The following DPYD variants were observed in gnomAD, a reference collection of about 807,000 sequenced individuals.
DPYD encodes dihydropyrimidine dehydrogenase [NADP(+)].
DPYD carries 109 observed loss-of-function variants against 116.2 expected under a neutral mutation model. The observed-to-expected ratio is 0.94, with a 90% confidence interval of 0.80 to 1.10. The LOEUF is 1.10. Among genes scored for constraint, DPYD ranks in the 50% least tolerant of loss-of-function variants. The pLI, the probability that DPYD is intolerant of heterozygous loss-of-function variation, is 0.00. For synonymous variants in DPYD, 440 were observed against 432.0 expected (o/e 1.02, Z -0.23); for missense variants, 1,302 against 1,254.5 (o/e 1.04, Z -0.57).
intron 18 of DPYD, chr1:97,295,551 C>G (rs1209382532): frequency 6.5e-6 from 1 of 154,586 alleles, no homozygotes; most frequent in South Asian, 2.1e-4. Flanking sequence ...CCACCTCAGC[C>G]TCAGGAGTAG....
At chr1:97,322,228 G>C (rs1279041100) in intron 16 of DPYD, among the ~76,000 whole-genome samples, 1 of 146,914 alleles carries the variant, frequency 6.8e-6, no homozygotes, top group Non-Finnish European at 1.5e-5. Context: ...AAAACTTAAA[G>C]TATAATAAAA....
chr1:97,411,550 T>G (rs1243421756), intron 14 of DPYD, among the ~76,000 whole-genome samples: 1 of 152,138 alleles, frequency 6.6e-6, no homozygotes, highest in African/African-American at 2.4e-5. Context: ...ACCTCTAACA[T>G]GTCTCACTAC....
At chr1:97,661,174 T>A (rs763331538) in intron 8 of DPYD, among the ~76,000 whole-genome samples, 1 of 152,168 alleles carries the variant, frequency 6.6e-6, no homozygotes, top group Non-Finnish European at 1.5e-5. Context: ...CTCATTTGAT[T>A]TAACATATAG....
At chr1:97,825,719 T>C (rs1196466448) in intron 3 of DPYD, among the ~76,000 whole-genome samples, 1 of 151,636 alleles carries the variant, frequency 6.6e-6, no homozygotes, top group Non-Finnish European at 1.5e-5. Flanking sequence ...CATGTATACA[T>C]ATGTAACTAA....
chr1:97,352,809 A>G (rs775065694), intron 16 of DPYD, among the ~76,000 whole-genome samples: 1 of 152,214 alleles, frequency 6.6e-6, no homozygotes, highest in Non-Finnish European at 1.5e-5. Flanking sequence ...GTGAAGGGAA[A>G]ATGACAACTA....
At chr1:97,125,156 G>A (rs577835393) in intron 20 of DPYD, among the ~76,000 whole-genome samples, 4 of 152,204 alleles carry the variant, frequency 2.6e-5, no homozygotes, top group Admixed American at 1.3e-4. Context: ...GGACCTTGCA[G>A]TGGCAACTGG....
Position 97,462,239 on chromosome 1 carries a change from G to A in DPYD, c.1741-12016C>T, listed in dbSNP as rs367579970. Among the ~76,000 whole-genome samples, 201 of 152,208 alleles carry A rather than the reference G, an allele frequency of 1.3e-3. 3 individuals carry two copies. Among genetic ancestry groups the A allele is most frequent in the South Asian group, 0.013 (61 of 4,812 alleles). Reference sequence around the variant, plus strand: ...AAAAAAATGAATAAATTTGATTCACGGAGGAGGGACCTGAAAGCAAATGGA... The same window carrying A: ...AAAAAAATGAATAAATTTGATTCACAGAGGAGGGACCTGAAAGCAAATGGA... On this transcript the variant is annotated intron_variant, in intron 13 of 22. Transcript: ENST00000370192.
At chr1:97,333,674 C>G (rs1270138592) in intron 16 of DPYD, among the ~76,000 whole-genome samples, 2 of 151,214 alleles carry the variant, frequency 1.3e-5, no homozygotes, top group Non-Finnish European at 2.9e-5. Context: ...GTGCCTGCCA[C>G]CACGCCTGGC....
At chr1:97,504,525 C>G (rs1679772390) in intron 13 of DPYD, among the ~76,000 whole-genome samples, 1 of 151,844 alleles carries the variant, frequency 6.6e-6, no homozygotes, top group Non-Finnish European at 1.5e-5. Flanking sequence ...TAGGAGTTTC[C>G]TAGAGAGCAA....
At chr1:97,481,453 A>C (rs1008964243) in intron 13 of DPYD, among the ~76,000 whole-genome samples, 1 of 152,200 alleles carries the variant, frequency 6.6e-6, no homozygotes. Flanking sequence ...ATAGGAGTCT[A>C]TTCTAGAGAA....
At chr1:97,597,278 C>T (rs542825212) in intron 8 of DPYD, among the ~76,000 whole-genome samples, 2 of 152,310 alleles carry the variant, frequency 1.3e-5, no homozygotes, top group African/African-American at 4.8e-5. Flanking sequence ...GTCCACGGAG[C>T]CCTCCTCCTC....
At chr1:97,542,791 G>T (rs1337936557) in intron 12 of DPYD, among the ~76,000 whole-genome samples, 1 of 148,468 alleles carries the variant, frequency 6.7e-6, no homozygotes, top group Non-Finnish European at 1.5e-5. Context: ...TCTTTTGAAT[G>T]AATGAATTAA....
chr1:97,867,879 TA>T (rs1178217076), intron 2 of DPYD, among the ~76,000 whole-genome samples: 3 of 151,616 alleles, frequency 2.0e-5, no homozygotes, highest in African/African-American at 7.3e-5. Flanking sequence ...CCAGAGCAAT[TA>T]GGCAAGAGAA....
chr1:97,666,622 A>C (rs1439108403), intron 8 of DPYD, among the ~76,000 whole-genome samples: 1 of 152,202 alleles, frequency 6.6e-6, no homozygotes, highest in African/African-American at 2.4e-5. Flanking sequence ...AAAATAACAC[A>C]AGCATGGTAT....
intron 20 of DPYD, among the ~76,000 whole-genome samples, chr1:97,174,004 A>G (rs1657076483): frequency 6.6e-6 from 1 of 151,834 alleles, no homozygotes; most frequent in Non-Finnish European, 1.5e-5. Context: ...AGTTCTATAA[A>G]TGTTATAATT....
chr1:97,686,013 A>G (rs1419487024), intron 7 of DPYD, among the ~76,000 whole-genome samples: 1 of 152,194 alleles, frequency 6.6e-6, no homozygotes, highest in African/African-American at 2.4e-5. Context: ...AAAAGAGCCC[A>G]TATAGCCAAG....
intron 14 of DPYD, among the ~76,000 whole-genome samples, chr1:97,400,390 G>A (rs562831985): frequency 2.0e-5 from 3 of 152,196 alleles, no homozygotes; most frequent in East Asian, 1.9e-4. Context: ...TGTTCATCAC[G>A]GATATTGGTC....
intron 8 of DPYD, among the ~76,000 whole-genome samples, chr1:97,661,300 C>G (rs561744550): frequency 2.0e-4 from 30 of 152,252 alleles, no homozygotes; most frequent in African/African-American, 7.2e-4. Context: ...CTCTCCACCT[C>G]CTTCCCCCTC....
intron 19 of DPYD, among the ~76,000 whole-genome samples, chr1:97,203,847 T>A (rs11165807): frequency 0.52 from 75,491 of 145,050 alleles, 19,778 homozygotes; most frequent in East Asian, 0.6. Context: ...GAGAAACATT[T>A]GTTAACATGA....
Sources: gnomAD v4.1 joint callset for allele counts (sites outside exome capture counted in the v4.1 genomes callset) on GRCh38, gnomAD v4.1.1 for gene constraint, MANE v1.5 for transcripts, NCBI Gene and HGNC (gene_info 2026-07-23, HGNC 2026-07-21) for gene names.